Variants in MRPS28 observed in about 807,000 individuals in gnomAD.
The protein encoded by MRPS28 is mitochondrial ribosomal protein S28.
Under a neutral mutation model 10.8 loss-of-function variants are expected in MRPS28, and 7 were observed. The ratio of observed to expected loss-of-function variants is 0.65; its 90% CI spans 0.37 to 1.22. The LOEUF is 1.22. Ranked by LOEUF, MRPS28 falls within the 50% of genes most tolerant of loss-of-function variation. The probability of loss-of-function intolerance (pLI) is 0.02; values close to 1 mark genes in which losing one functional copy is unlikely to be tolerated. For synonymous variants in MRPS28, 121 were observed against 93.3 expected (o/e 1.30, Z -1.71); for missense variants, 265 against 232.9 (o/e 1.14, Z -0.90).
chr8:80,014,276 T>C (rs1256328760), intron 1 of MRPS28, among the ~76,000 whole-genome samples: 1 of 152,186 alleles, frequency 6.6e-6, no homozygotes, highest in African/African-American at 2.4e-5. Flanking sequence ...AATAGGCATG[T>C]ATTATCCTGT....
intron 2 of MRPS28, among the ~76,000 whole-genome samples, chr8:79,925,097 T>C (rs1164059817): frequency 6.6e-6 from 1 of 152,134 alleles, no homozygotes; most frequent in African/African-American, 2.4e-5. Context: ...CTCTCCAATA[T>C]TTCTAGTCAT....
chr8:79,960,444 T>C (rs375080292), intron 2 of MRPS28, among the ~76,000 whole-genome samples: 4 of 152,220 alleles, frequency 2.6e-5, no homozygotes, highest in East Asian at 1.9e-4. Context: ...GCAAAGCACT[T>C]CGATATGCTT....
At chr8:79,943,945 T>C (rs1806835361) in intron 2 of MRPS28, among the ~76,000 whole-genome samples, 1 of 152,168 alleles carries the variant, frequency 6.6e-6, no homozygotes, top group African/African-American at 2.4e-5. Flanking sequence ...TAGGGAATAG[T>C]TCATTTTAGC....
chr8:79,926,886 G>A (rs1311045952), intron 2 of MRPS28, among the ~76,000 whole-genome samples: 1 of 152,162 alleles, frequency 6.6e-6, no homozygotes, highest in Non-Finnish European at 1.5e-5. Context: ...AATCAATAGG[G>A]TAGAGCTAGA....
rs144418393 is a variant in MRPS28 at position 79,973,399 on chromosome 8, G to A, written c.395+29600C>T. 1.8e-3 allele frequency among the ~76,000 whole-genome samples: 269 copies of A among 152,290 alleles called. 1 individual carries two copies. The highest frequency in any genetic ancestry group is 5.6e-3 in the African/African-American group (231 of 41,552). On this transcript the variant is annotated intron_variant, in intron 2 of 2. Coordinates refer to ENST00000276585, the MANE Select transcript of MRPS28 (RefSeq NM_014018.3). ...ACCATACCCTCAGCCACGAGCAGTG[G>A]TGTGTGCCTGAAGTCCTAGCTACTC... is the stretch of plus-strand genomic sequence containing the variant.
intron 1 of MRPS28, among the ~76,000 whole-genome samples, chr8:80,005,318 T>G (rs1283775721): frequency 6.6e-6 from 1 of 151,812 alleles, no homozygotes; most frequent in Non-Finnish European, 1.5e-5. Context: ...CAGAAGAGAG[T>G]GGGGGCCAAT....
chr8:80,024,039 G>A (rs977065224), intron 1 of MRPS28, among the ~76,000 whole-genome samples: 2 of 152,108 alleles, frequency 1.3e-5, no homozygotes, highest in Non-Finnish European at 2.9e-5. Context: ...GAGCAGCCTG[G>A]GCAATATGGC....
At chr8:79,961,738 T>C (rs1807377242) in intron 2 of MRPS28, among the ~76,000 whole-genome samples, 1 of 152,166 alleles carries the variant, frequency 6.6e-6, no homozygotes, top group African/African-American at 2.4e-5. Flanking sequence ...GTTTGCTATT[T>C]CTTACAAATA....
chr8:79,981,928 G>T (rs760298103), intron 2 of MRPS28, among the ~76,000 whole-genome samples: 2 of 152,128 alleles, frequency 1.3e-5, no homozygotes, highest in African/African-American at 4.8e-5. Flanking sequence ...AAAGGAACAC[G>T]AAGTATTCTA....
At chr8:79,958,574 T>C (rs1807288883) in intron 2 of MRPS28, 1 of 567,638 alleles carries the variant, frequency 1.8e-6, no homozygotes, top group Non-Finnish European at 3.1e-6. Flanking sequence ...ATTGATTTTG[T>C]TGAGTTTTTC....
intron 2 of MRPS28, among the ~76,000 whole-genome samples, chr8:79,920,476 C>T (rs1271703764): frequency 6.6e-6 from 1 of 152,152 alleles, no homozygotes; most frequent in Non-Finnish European, 1.5e-5. Context: ...TTTTAATGAT[C>T]ACCATTCTAA....
At chr8:80,006,728 T>C (rs1412495053) in intron 1 of MRPS28, among the ~76,000 whole-genome samples, 4 of 152,234 alleles carry the variant, frequency 2.6e-5, no homozygotes, top group African/African-American at 7.2e-5. Flanking sequence ...CAGGAAGAAG[T>C]TGAATCCCTG....
chr8:80,030,183 G>T lies in MRPS28; in HGVS notation c.66C>A (p.Phe22Leu), dbSNP rs143242971. ...AESHFLRVFL[F>L]FRPFRGVGTE... ...TGCCTACACCCCGAAAGGGCCTGAAGAAGAGAAACACTCGCAGAAAATGGC... is the reference window on the plus strand; with the variant it reads ...TGCCTACACCCCGAAAGGGCCTGAATAAGAGAAACACTCGCAGAAAATGGC... The change falls in exon 1 of 3, where the codon TTC becomes TTA. Residue 22 changes from phenylalanine (F) to leucine (L), a missense_variant. Coordinates refer to ENST00000276585, the MANE Select transcript of MRPS28 (RefSeq NM_014018.3). 1.1e-5 allele frequency: 18 copies of T among 1,614,114 alleles called. No individual in the cohort carries two copies. In the African/African-American group the frequency reaches 2.3e-4, roughly 20 times the overall value.
chr8:79,963,599 C>T (rs570543000), intron 2 of MRPS28, among the ~76,000 whole-genome samples: 1 of 152,228 alleles, frequency 6.6e-6, no homozygotes, highest in African/African-American at 2.4e-5. Context: ...CAATAAGAAA[C>T]ACTGGCCAGT....
At chr8:80,028,627 G>A (rs1032542054) in intron 1 of MRPS28, 8 of 133,072 alleles carry the variant, frequency 6.0e-5, no homozygotes, top group Non-Finnish European at 1.3e-4. Flanking sequence ...TAATCACAGG[G>A]ATCTCAAAAG....
chr8:79,961,408 T>G (rs1406078890), intron 2 of MRPS28, among the ~76,000 whole-genome samples: 3 of 152,152 alleles, frequency 2.0e-5, no homozygotes, highest in Non-Finnish European at 4.4e-5. Flanking sequence ...GATGCAATTT[T>G]CTATGGACCA....
intron 2 of MRPS28, among the ~76,000 whole-genome samples, chr8:79,947,936 C>A (rs1806968250): frequency 1.3e-5 from 2 of 149,912 alleles, no homozygotes; most frequent in African/African-American, 4.9e-5. Flanking sequence ...CGCGCCTGGC[C>A]TATATTAAGT....
chr8:79,948,401 G>A (rs1806984676), intron 2 of MRPS28, among the ~76,000 whole-genome samples: 2 of 152,112 alleles, frequency 1.3e-5, no homozygotes, highest in South Asian at 4.1e-4. Flanking sequence ...ATAAGTTTTT[G>A]CAGCCATCTG....
intron 2 of MRPS28, among the ~76,000 whole-genome samples, chr8:79,995,742 T>C (rs536580553): frequency 2.6e-5 from 4 of 152,286 alleles, no homozygotes; most frequent in East Asian, 1.9e-4. Flanking sequence ...AGAATACATG[T>C]TGAAGTCCAT....
Sources: allele counts gnomAD v4.1 joint callset (sites outside exome capture counted in the v4.1 genomes callset), GRCh38; gene constraint gnomAD v4.1.1; transcripts MANE v1.5; gene names NCBI Gene and HGNC (gene_info 2026-07-23, HGNC 2026-07-21).